SDK1: variants seen among roughly 807,000 people sequenced by gnomAD.
SDK1 encodes protein sidekick-1.
A neutral mutation model predicts 245.5 loss-of-function variants in SDK1; 157 were observed. That is an observed-to-expected ratio of 0.64 (90% CI 0.56 to 0.73). The LOEUF is 0.73. SDK1 is among the 30% of genes least tolerant of loss of function. SDK1 has a pLI of 0.00. For missense variants in SDK1, 3,583 were observed against 3,002.3 expected (o/e 1.19, Z -4.52); for synonymous variants, 1,647 against 1,278.5 (o/e 1.29, Z -6.15).
intron 35 of SDK1, among the ~76,000 whole-genome samples, chr7:4,185,815 G>A (rs936195707): frequency 6.6e-6 from 1 of 151,442 alleles, no homozygotes; most frequent in African/African-American, 2.4e-5. Flanking sequence ...TAGAGGAAGG[G>A]TGGGAGGGAG....
In SDK1 at chr7:3,428,026, C is replaced by A. The variant is rs573905852; in HGVS notation, c.298+126142C>A. ...AGTGCTGTACTTTCATCTTTGCTGC[C>A]CAATTCCCTCTTTGGATTACCCATT... On this transcript the variant is annotated intron_variant, in intron 1 of 44. Transcript: ENST00000404826. 2.6e-5 allele frequency among the ~76,000 whole-genome samples: 4 copies of A among 152,260 alleles called. No individual in the cohort carries two copies. The East Asian group carries it at 5.8e-4, about 22-fold the overall frequency.
rs186063997 is a variant in SDK1, at chr7:3,462,092, C to G, written c.299-156988C>G. The stretch of plus-strand genomic sequence containing the variant: ...GAGTTGTCTGCTCGCTGCCTCAGCC[C>G]ACACCTTTTTCATGTGGTTTCCGCT... On this transcript the variant is annotated intron_variant, in intron 1 of 44. Transcript: ENST00000404826. Among the ~76,000 whole-genome samples the G allele has an allele frequency of 1.8e-4, 27 of 152,192 alleles. No individual in the cohort carries two copies. In the East Asian group the frequency reaches 4.6e-3, roughly 26 times the overall value.
At chr7:3,534,484 A>G (rs1380533820) in intron 1 of SDK1, among the ~76,000 whole-genome samples, 8 of 152,150 alleles carry the variant, frequency 5.3e-5, no homozygotes, top group Non-Finnish European at 1.2e-4. Flanking sequence ...ACGGTTGTAC[A>G]GTTTTGCATT....
chr7:3,715,844 C>G (rs1468023718), intron 4 of SDK1, among the ~76,000 whole-genome samples: 1 of 152,060 alleles, frequency 6.6e-6, no homozygotes, highest in African/African-American at 2.4e-5. Flanking sequence ...GTTGCAATTA[C>G]CAGACAAGGA....
chr7:4,114,388 C>T lies in SDK1; in HGVS notation c.3823+114C>T, dbSNP rs1584182552. ...TCTCATTGGCCTGTCCCACTTGTGT[C>T]TGTCTTGGAGCTTTCCTAATCCCGG... On this transcript the variant is annotated intron_variant, in intron 25 of 44. Coordinates refer to ENST00000404826, the MANE Select transcript of SDK1 (RefSeq NM_152744.4). 3.7e-6 allele frequency: 3 copies of T among 813,724 alleles called. No homozygotes were observed. The East Asian group carries it at 8.0e-5, about 22-fold the overall frequency. 50.4% of individuals were successfully genotyped at this position (813,724 alleles called of 1,614,324 possible). A position where few individuals can be genotyped will look rare whatever the true frequency, so the allele number is the denominator to read the frequency against.
At chr7:3,306,792 G>T (rs138605761) in intron 1 of SDK1, among the ~76,000 whole-genome samples, 1 of 152,288 alleles carries the variant, frequency 6.6e-6, no homozygotes, top group African/African-American at 2.4e-5. Flanking sequence ...GGTGGCAGAG[G>T]TGTGTGGCAT....
At chr7:3,980,516 A>G (rs1783319725) in intron 13 of SDK1, among the ~76,000 whole-genome samples, 1 of 152,214 alleles carries the variant, frequency 6.6e-6, no homozygotes, top group African/African-American at 2.4e-5. Flanking sequence ...TAATGCTTCG[A>G]CGCAATCTAT....
At chr7:3,349,522 G>A (rs1349093358) in intron 1 of SDK1, among the ~76,000 whole-genome samples, 1 of 152,188 alleles carries the variant, frequency 6.6e-6, no homozygotes, top group Non-Finnish European at 1.5e-5. Context: ...GCCCTGTGAG[G>A]GCAGAGGACT....
chr7:4,035,777 C>T (rs1034919422), intron 17 of SDK1, among the ~76,000 whole-genome samples: 1 of 152,144 alleles, frequency 6.6e-6, no homozygotes, highest in African/African-American at 2.4e-5. Flanking sequence ...CCTGGAACAT[C>T]TCATCATTCC....
At chr7:3,554,335 C>G (rs1331336298) in intron 1 of SDK1, among the ~76,000 whole-genome samples, 1 of 152,024 alleles carries the variant, frequency 6.6e-6, no homozygotes, top group Non-Finnish European at 1.5e-5. Context: ...AAACAACACA[C>G]TATTAAATAA....
chr7:3,836,053 T>A (rs1450549144), intron 5 of SDK1, among the ~76,000 whole-genome samples: 1 of 152,228 alleles, frequency 6.6e-6, no homozygotes, highest in Non-Finnish European at 1.5e-5. Context: ...TTCTCAGAGA[T>A]GGACTGTGTT....
chr7:3,438,116 A>G (rs977025760), intron 1 of SDK1, among the ~76,000 whole-genome samples: 1 of 152,194 alleles, frequency 6.6e-6, no homozygotes, highest in Non-Finnish European at 1.5e-5. Context: ...AGCCCCCTGC[A>G]TCCTGCCTTT....
chr7:3,897,050 C>T (rs1781628128), intron 5 of SDK1, among the ~76,000 whole-genome samples: 1 of 152,048 alleles, frequency 6.6e-6, no homozygotes, highest in South Asian at 2.1e-4. Context: ...TACCAAACAA[C>T]CAGATTTCGT....
intron 4 of SDK1, among the ~76,000 whole-genome samples, chr7:3,737,772 A>G (rs189646045): frequency 8.1e-4 from 123 of 152,316 alleles, no homozygotes; most frequent in Admixed American, 4.1e-3. Context: ...GTACCCTGCA[A>G]TGCTAGGGAA....
intron 4 of SDK1, among the ~76,000 whole-genome samples, chr7:3,673,286 T>C (rs1374416664): frequency 6.6e-6 from 1 of 152,216 alleles, no homozygotes; most frequent in South Asian, 2.1e-4. Context: ...GGGCGGTTCA[T>C]GATCAACAGA....
chr7:3,883,633 A>C lies in SDK1; in HGVS notation c.847+62050A>C, dbSNP rs531106112. On this transcript the variant is annotated intron_variant, in intron 5 of 44. Transcript: ENST00000404826. ...CTTTGACCTCTGTTCGAAGAAATCAAAACTGTGCCATGAAGACAGAACCAG... is the reference window on the plus strand; with the variant it reads ...CTTTGACCTCTGTTCGAAGAAATCACAACTGTGCCATGAAGACAGAACCAG... Among the ~76,000 whole-genome samples the C allele has an allele frequency of 9.9e-5, 15 of 152,280 alleles. No individual in the cohort carries two copies. The East Asian group carries it at 2.7e-3, about 27-fold the overall frequency.
chr7:3,498,822 A>G (rs1475604408), intron 1 of SDK1, among the ~76,000 whole-genome samples: 3 of 151,148 alleles, frequency 2.0e-5, no homozygotes, highest in Admixed American at 6.6e-5. Context: ...TGAGTTCCAC[A>G]TGGTCATTTC....
At position 3,727,450 on chromosome 7, in the gene SDK1, T is replaced by G. The variant is rs564369416; in HGVS notation, c.713+85345T>G. 1.6e-4 allele frequency among the ~76,000 whole-genome samples: 24 copies of G among 152,302 alleles called. No individual in the cohort carries two copies. In the South Asian group the frequency reaches 5.0e-3, roughly 32 times the overall value. ...TCTGAATTATTTTCTGTGCTCTCTA[T>G]AAGGCTGGTTCTGCTCTGCCATCCT... On this transcript the variant is annotated intron_variant, in intron 4 of 44. Transcript: ENST00000404826.
Position 4,210,020 on chromosome 7 carries a change from C to T in SDK1, c.5402-5C>T, listed in dbSNP as rs761947217. On this transcript the variant is annotated splice_polypyrimidine_tract_variant and splice_region_variant and intron_variant, in intron 37 of 44. Coordinates refer to ENST00000404826, the MANE Select transcript of SDK1 (RefSeq NM_152744.4). ...TAAAAGTCACTTTGTGTTCTATTCTCCCAGCCCCTGGGGCCCCCAGCTTTC... is the reference window on the plus strand; with the variant it reads ...TAAAAGTCACTTTGTGTTCTATTCTTCCAGCCCCTGGGGCCCCCAGCTTTC... The T allele has an allele frequency of 6.4e-7, 1 of 1,572,972 alleles. No homozygotes were observed. Among genetic ancestry groups the T allele is most frequent in the South Asian group, 1.2e-5 (1 of 84,246 alleles).
Sources: gnomAD v4.1 joint callset for allele counts (sites outside exome capture counted in the v4.1 genomes callset) on GRCh38, gnomAD v4.1.1 for gene constraint, MANE v1.5 for transcripts, NCBI Gene and HGNC (gene_info 2026-07-23, HGNC 2026-07-21) for gene names.